The following CCDC57 variants were observed in gnomAD, a reference collection of about 807,000 sequenced individuals.
The protein encoded by CCDC57 is coiled-coil domain-containing protein 57.
A neutral mutation model predicts 118.9 loss-of-function variants in CCDC57; 118 were observed. The ratio of observed to expected loss-of-function variants is 0.99; its 90% CI spans 0.86 to 1.16. CCDC57 has a LOEUF of 1.16. Ranked by LOEUF, CCDC57 falls within the 50% of genes most tolerant of loss-of-function variation. CCDC57 has a pLI of 0.00. For missense variants in CCDC57, 1,300 were observed against 1,320.7 expected (o/e 0.98, Z 0.24); for synonymous variants, 527 against 532.9 (o/e 0.99, Z 0.15).
chr17:82,177,315 G>A (rs1441505099), intron 11 of CCDC57, among the ~76,000 whole-genome samples: 2 of 152,146 alleles, frequency 1.3e-5, no homozygotes, highest in African/African-American at 4.8e-5. Context: ...GGCGGAGGGT[G>A]CGGTGAGCAG....
chr17:82,177,105 C>T lies in CCDC57; in HGVS notation c.1506+1369G>A, dbSNP rs145283883. On this transcript the variant is annotated intron_variant, in intron 11 of 19. Transcript: ENST00000665763. ...TACTAAAAATACAAAATTAGCCGGG[C>T]GTGGTGGCTCATGCCTGTAATCTGA... 3.6e-4 allele frequency among the ~76,000 whole-genome samples: 55 copies of T among 152,134 alleles called. 1 individual carries two copies. The East Asian group carries it at 6.0e-3, about 17-fold the overall frequency.
At chr17:82,175,463 CAA>C (rs575279659) in intron 11 of CCDC57, 35 of 152,376 alleles carry the variant, frequency 2.3e-4, no homozygotes, top group Admixed American at 2.0e-3. Flanking sequence ...CCATTCTATT[CAA>C]AGTCACCCTT....
intron 10 of CCDC57, 51 bp downstream of exon 9, chr17:82,178,976 C>T: frequency 3.2e-6 from 5 of 1,584,080 alleles, no homozygotes; most frequent in South Asian, 1.1e-5. Context: ...TGCCCAGCCC[C>T]ACCTCTGCAG....
intron 19 of CCDC57, among the ~76,000 whole-genome samples, chr17:82,111,530 C>T (rs1434331029): frequency 2.0e-5 from 3 of 152,080 alleles, no homozygotes; most frequent in Non-Finnish European, 4.4e-5. Context: ...AGACATGTGC[C>T]ACCACATCCA....
exon 5 of CCDC57, chr17:82,195,322 G>C (rs2048168035): frequency 1.9e-6 from 3 of 1,601,882 alleles, no homozygotes; most frequent in Non-Finnish European, 2.6e-6. Flanking sequence ...CGGAATTCGT[G>C]CTCCCTCTTC....
intron 19 of CCDC57, among the ~76,000 whole-genome samples, chr17:82,115,594 G>C (rs1263086574): frequency 1.3e-5 from 2 of 151,600 alleles, no homozygotes; most frequent in Admixed American, 1.3e-4. Context: ...AACATAGTAA[G>C]ACCCTGTCTG....
At chr17:82,138,949 CCA>C (rs1183814722) in intron 16 of CCDC57, among the ~76,000 whole-genome samples, 1 of 152,078 alleles carries the variant, frequency 6.6e-6, no homozygotes, top group African/African-American at 2.4e-5. Flanking sequence ...TCTCTGATGC[CCA>C]GAGTTTGTAG....
At chr17:82,109,984 GT>G (rs530570604) in intron 19 of CCDC57, among the ~76,000 whole-genome samples, 316 of 140,836 alleles carry the variant, frequency 2.2e-3, no homozygotes, top group African/African-American at 6.6e-3. Flanking sequence ...AAAGAAGTCT[GT>G]TTTTTTTTTT....
intron 15 of CCDC57, chr17:82,157,514 C>G: frequency 7.0e-7 from 1 of 1,423,460 alleles, no homozygotes; most frequent in Non-Finnish European, 9.1e-7. Context: ...CGCCCCCCAC[C>G]AACGGGGCAT....
intron 16 of CCDC57, among the ~76,000 whole-genome samples, chr17:82,138,133 A>T: frequency 7.1e-6 from 1 of 141,698 alleles, no homozygotes; most frequent in South Asian, 2.4e-4. Flanking sequence ...TGGGAGGCTG[A>T]GGCAGGAGGA....
intron 7 of CCDC57, 100 bp downstream of exon 6, chr17:82,193,656 G>A (rs2047947433): frequency 9.8e-7 from 1 of 1,016,030 alleles, no homozygotes; most frequent in African/African-American, 1.6e-5. Flanking sequence ...TCCCTGGAGT[G>A]GGACCCTCTG....
chr17:82,188,639 G>C (rs370891222), intron 7 of CCDC57, among the ~76,000 whole-genome samples: 2 of 152,238 alleles, frequency 1.3e-5, no homozygotes, highest in Non-Finnish European at 2.9e-5. Context: ...GCCCTCCAGA[G>C]CCCACAGCCC....
chr17:82,171,581 G>T, intron 13 of CCDC57, 120 bp downstream of exon 12: 1 of 1,065,922 alleles, frequency 9.4e-7, no homozygotes, highest in Non-Finnish European at 1.3e-6. Context: ...TGGGCTGGAT[G>T]ACGCCGCCCC....
chr17:82,131,110 A>C (rs1172897870), intron 17 of CCDC57, among the ~76,000 whole-genome samples: 1 of 150,730 alleles, frequency 6.6e-6, no homozygotes, highest in Non-Finnish European at 1.5e-5. Flanking sequence ...ACTGGGCCCA[A>C]ATACTGGCCA....
At chr17:82,123,606 G>T (rs2037030778) in intron 19 of CCDC57, among the ~76,000 whole-genome samples, 1 of 152,134 alleles carries the variant, frequency 6.6e-6, no homozygotes, top group East Asian at 1.9e-4. Flanking sequence ...AAAACAGATA[G>T]ATTGATAATT....
chr17:82,131,149 G>A (rs1201320374), intron 17 of CCDC57, among the ~76,000 whole-genome samples: 1 of 150,822 alleles, frequency 6.6e-6, no homozygotes, highest in Admixed American at 6.6e-5. Context: ...AATAAATGTA[G>A]GCCAGGTGTG....
chr17:82,179,676 G>T (rs1392400194), intron 9 of CCDC57, among the ~76,000 whole-genome samples: 1 of 152,110 alleles, frequency 6.6e-6, no homozygotes, highest in African/African-American at 2.4e-5. Context: ...GGACAGAGGG[G>T]TGGGAACGCA....
At chr17:82,144,488 TTCC>T (rs1180169338) in intron 16 of CCDC57, among the ~76,000 whole-genome samples, 1 of 152,148 alleles carries the variant, frequency 6.6e-6, no homozygotes, top group Non-Finnish European at 1.5e-5. Flanking sequence ...CCTTTTCTCT[TTCC>T]TAGAAAAGAT....
intron 19 of CCDC57, among the ~76,000 whole-genome samples, chr17:82,121,732 AT>A (rs2036712817): frequency 6.6e-6 from 1 of 152,212 alleles, no homozygotes; most frequent in Non-Finnish European, 1.5e-5. Flanking sequence ...GCGTCCTGCC[AT>A]GGGGCCGTGC....
Sources: gnomAD v4.1 joint callset for allele counts (sites outside exome capture counted in the v4.1 genomes callset) on GRCh38, gnomAD v4.1.1 for gene constraint, MANE v1.5 for transcripts, NCBI Gene and HGNC (gene_info 2026-07-23, HGNC 2026-07-21) for gene names.